The following CFAP57 variants were observed in gnomAD, a reference collection of about 807,000 sequenced individuals.
CFAP57 encodes cilia and flagella associated protein 57, also known as cilia- and flagella-associated protein 57.
In CFAP57, 116 loss-of-function variants were observed where a neutral mutation model predicts 146.8. The ratio of observed to expected loss-of-function variants is 0.79; its 90% CI spans 0.68 to 0.92. The LOEUF is 0.92. Ranked by LOEUF, CFAP57 falls within the 40% of genes least tolerant of loss-of-function variation. The pLI is 0.00. For missense variants in CFAP57, 1,377 were observed against 1,527.2 expected, an observed-to-expected ratio of 0.90 and a Z score of 1.64; for synonymous variants, 518 against 552.8, an observed-to-expected ratio of 0.94 and a Z score of 0.88.
chr1:43,187,879 C>T (rs1643249824), intron 6 of CFAP57, among the ~76,000 whole-genome samples: 3 of 152,194 alleles, frequency 2.0e-5, no homozygotes, highest in Admixed American at 2.0e-4. Context: ...TCATGGCTCA[C>T]TGCAGCCTTG....
At chr1:43,183,980 A>G in intron 4 of CFAP57, 103 bp downstream of exon 4, 1 of 1,432,886 alleles carries the variant, frequency 7.0e-7, no homozygotes, top group Non-Finnish European at 9.7e-7. Flanking sequence ...TCTACCGTAA[A>G]AGTCAACTAT....
At chr1:43,180,958 G>A (rs1294049076) in intron 2 of CFAP57, among the ~76,000 whole-genome samples, 2 of 151,976 alleles carry the variant, frequency 1.3e-5, no homozygotes, top group East Asian at 1.9e-4. Context: ...CATCCACCCC[G>A]TGGCTCAAGC....
intron 5 of CFAP57, among the ~76,000 whole-genome samples, chr1:43,186,319 C>T (rs1483788910): frequency 6.6e-6 from 1 of 151,994 alleles, no homozygotes; most frequent in Non-Finnish European, 1.5e-5. Flanking sequence ...CAAGAAAACT[C>T]TGAAAGCCTA....
chr1:43,240,818 G>A (rs934004363), intron 21 of CFAP57, among the ~76,000 whole-genome samples: 18 of 152,166 alleles, frequency 1.2e-4, no homozygotes, highest in African/African-American at 3.9e-4. Flanking sequence ...AGGAGCAGGC[G>A]TGTCACATGG....
At chr1:43,194,827 T>C (rs569732011) in intron 6 of CFAP57, 1 of 152,338 alleles carries the variant, frequency 6.6e-6, no homozygotes, top group East Asian at 1.9e-4. Context: ...CTTTTATTCT[T>C]CTCTATTTGA....
intron 22 of CFAP57, among the ~76,000 whole-genome samples, chr1:43,244,567 G>T (rs1646041482): frequency 6.6e-6 from 1 of 152,138 alleles, no homozygotes; most frequent in South Asian, 2.1e-4. Context: ...GGCAATACCA[G>T]GCCTACAGGG....
In CFAP57 at chr1:43,185,896, C is replaced by A. The variant is rs188783479; in HGVS notation, c.969+540C>A. On this transcript the variant is annotated intron_variant, in intron 5 of 22. Coordinates refer to ENST00000372492, the MANE Select transcript of CFAP57 (RefSeq NM_001378189.1). Reference sequence around the variant, plus strand: ...TCGCTCCACTGCACTCCAGCCTGGTCGACAGATTGAGACTCTGTCTCAAAA... The same window carrying A: ...TCGCTCCACTGCACTCCAGCCTGGTAGACAGATTGAGACTCTGTCTCAAAA... Among the ~76,000 whole-genome samples, 71 of 149,884 alleles carry A rather than the reference C, an allele frequency of 4.7e-4. 1 individual carries two copies. The highest frequency in any genetic ancestry group is 1.6e-3 in the African/African-American group (66 of 40,648).
In CFAP57 at chr1:43,224,027, T is replaced by TTGC. The variant is rs1645148814; in HGVS notation, c.2707-16_2707-14dup. The stretch of plus-strand genomic sequence containing the variant: ...GTTCTGACTTTAGTGGTCTTTGTTG[T>TTGC]TGCTGTTCGCTTTTCTAGTTCAGCA... On this transcript the variant is annotated intron_variant, in intron 16 of 22. Coordinates refer to ENST00000372492, the MANE Select transcript of CFAP57 (RefSeq NM_001378189.1). The TTGC allele has an allele frequency of 1.3e-6, 2 of 1,550,262 alleles. No individual in the cohort carries two copies. The highest frequency in any genetic ancestry group is 4.9e-5 in the East Asian group (2 of 40,918).
intron 12 of CFAP57, among the ~76,000 whole-genome samples, chr1:43,218,124 C>T (rs1234400248): frequency 6.6e-6 from 1 of 152,210 alleles, no homozygotes; most frequent in Non-Finnish European, 1.5e-5. Flanking sequence ...AAGTCGTTCA[C>T]AGGTGGTAGA....
chr1:43,200,211 C>T (rs1279244827), intron 9 of CFAP57, among the ~76,000 whole-genome samples: 1 of 152,070 alleles, frequency 6.6e-6, no homozygotes, highest in Non-Finnish European at 1.5e-5. Flanking sequence ...AAAGTAAAGT[C>T]GTGGTGGCTT....
At chr1:43,173,108 A>G (rs1268941356) in intron 2 of CFAP57, among the ~76,000 whole-genome samples, 198 bp downstream of exon 2, 1 of 152,256 alleles carries the variant, frequency 6.6e-6, no homozygotes, top group Non-Finnish European at 1.5e-5. Flanking sequence ...AAAATCACAT[A>G]TAAAATGTTA....
At chr1:43,234,146 C>T in intron 19 of CFAP57, 133 bp from the exon 20 acceptor site, 1 of 1,074,910 alleles carries the variant, frequency 9.3e-7, no homozygotes, top group East Asian at 2.7e-5. Flanking sequence ...CCCAGTATGG[C>T]CCCTGGCAGT....
chr1:43,186,743 T>C lies in CFAP57; in HGVS notation c.1006T>C (p.Ser336Pro), dbSNP rs745520873. 3 of 1,614,138 alleles carry C rather than the reference T, an allele frequency of 1.9e-6. No homozygotes were observed. Among genetic ancestry groups the C allele is most frequent in the Non-Finnish European group, 2.5e-6 (3 of 1,180,020 alleles). ...CCCGCAGAGCAATGATCCAAGTCAG[T>C]CTGACAAACAGGACGTTCTCTGCCT... ...VDPQSNDPSQ[S>P]DKQDVLCLCF... Residue 336 changes from serine to proline, a missense_variant, in exon 6 of 23, where the codon TCT becomes CCT. Physicochemically the swap from Ser to Pro is moderately conservative, Grantham distance 74. Transcript: ENST00000372492.
At chr1:43,247,648 T>C (rs2764418) in intron 22 of CFAP57, among the ~76,000 whole-genome samples, 6,051 of 152,326 alleles carry the variant, frequency 0.04, 194 homozygotes, top group African/African-American at 0.087. Context: ...GTGTTAATTA[T>C]CCAAATTTCT....
chr1:43,214,354 G>A (rs957445676), intron 11 of CFAP57, among the ~76,000 whole-genome samples: 1 of 152,120 alleles, frequency 6.6e-6, no homozygotes, highest in Non-Finnish European at 1.5e-5. Flanking sequence ...TTCCTTTGCT[G>A]TGCAGAAGCT....
intron 22 of CFAP57, among the ~76,000 whole-genome samples, chr1:43,249,167 T>A (rs1646236086): frequency 6.6e-6 from 1 of 151,840 alleles, no homozygotes; most frequent in Non-Finnish European, 1.5e-5. Context: ...CCCAAAGTGC[T>A]GGGATTATAG....
intron 1 of CFAP57, 22 bp from the exon 2 acceptor site, chr1:43,172,713 G>T (rs771158005): frequency 6.2e-7 from 1 of 1,612,654 alleles, no homozygotes; most frequent in South Asian, 1.1e-5. Flanking sequence ...CCACTCTGAA[G>T]CGCTGCCTTG....
intron 21 of CFAP57, among the ~76,000 whole-genome samples, chr1:43,239,124 C>T (rs1645810862): frequency 6.6e-6 from 1 of 152,084 alleles, no homozygotes; most frequent in South Asian, 2.1e-4. Flanking sequence ...GCTTCAGCCT[C>T]TCATGGCAGC....
intron 6 of CFAP57, among the ~76,000 whole-genome samples, chr1:43,194,435 T>G (rs1248602541): frequency 1.3e-5 from 2 of 152,184 alleles, no homozygotes; most frequent in African/African-American, 4.8e-5. Context: ...ACTCTTTGTG[T>G]TTTTCCTACT....
Sources: gnomAD v4.1 joint callset for allele counts (sites outside exome capture counted in the v4.1 genomes callset) on GRCh38, gnomAD v4.1.1 for gene constraint, MANE v1.5 for transcripts, NCBI Gene and HGNC (gene_info 2026-07-23, HGNC 2026-07-21) for gene names.